Variants in RGS7 observed in about 807,000 individuals in gnomAD.
RGS7 encodes the protein regulator of G protein signaling 7.
In RGS7, 27 loss-of-function variants were observed where a neutral mutation model predicts 81.1. The observed-to-expected ratio is 0.33, with a 90% CI of 0.25 to 0.46. The LOEUF is 0.46. Among genes scored for constraint, RGS7 ranks in the 20% least tolerant of loss-of-function variants. The pLI is 1.00. For synonymous variants in RGS7, 208 were observed against 207.7 expected, an observed-to-expected ratio of 1.00 and a Z score of -0.01; for missense variants, 396 against 607.4, an observed-to-expected ratio of 0.65 and a Z score of 3.66.
intron 2 of RGS7, among the ~76,000 whole-genome samples, chr1:241,289,981 C>T (rs2148443450): frequency 6.6e-6 from 1 of 152,324 alleles, no homozygotes; most frequent in Non-Finnish European, 1.5e-5. Flanking sequence ...CTGTTGCAAA[C>T]TTTCTTATTG....
Position 241,144,102 on chromosome 1 carries a change from T to A in RGS7, c.79-45340A>T, listed in dbSNP as rs533646977. Among the ~76,000 whole-genome samples, 1 of 152,274 alleles carries A rather than the reference T, an allele frequency of 6.6e-6. No homozygotes were observed. Among genetic ancestry groups the A allele is most frequent in the South Asian group, 2.1e-4 (1 of 4,810 alleles). On this transcript the variant is annotated intron_variant, in intron 2 of 18. Coordinates refer to ENST00000440928, the MANE Select transcript of RGS7 (RefSeq NM_001364886.1). This position sits in a 1 kb window ranked among gnomAD's most constrained non-coding sequence, Gnocchi z 4.7. ...GGACTAAGGCAGTAATGTAAAGATTTTACTAGCTTTTATAGTAAAAATCTA... is the reference window on the plus strand; with the variant it reads ...GGACTAAGGCAGTAATGTAAAGATTATACTAGCTTTTATAGTAAAAATCTA...
chr1:241,294,943 C>T (rs766350934), intron 2 of RGS7, among the ~76,000 whole-genome samples: 6 of 152,126 alleles, frequency 3.9e-5, no homozygotes, highest in African/African-American at 1.2e-4. Flanking sequence ...AGAGAAATCA[C>T]CTATAGGTGC....
At chr1:241,012,206 G>A (rs2058992598) in intron 3 of RGS7, among the ~76,000 whole-genome samples, 1 of 152,138 alleles carries the variant, frequency 6.6e-6, no homozygotes, top group African/African-American at 2.4e-5. Flanking sequence ...AAGAGTGAAT[G>A]CAAATAGGGC....
rs1267231542 is a variant in RGS7, at chr1:241,304,461, A to G, written c.78+51238T>C. On this transcript the variant is annotated intron_variant, in intron 2 of 18. Coordinates refer to ENST00000440928, the MANE Select transcript of RGS7 (RefSeq NM_001364886.1). ...AGTTGTGAGTGTACTGGAGTTATAG[A>G]TTTTTCCACTTGCAAGTGGCTCAGT... Among the ~76,000 whole-genome samples the G allele has an allele frequency of 2.0e-5, 3 of 152,082 alleles. No individual in the cohort carries two copies. In the East Asian group the frequency reaches 5.8e-4, roughly 29 times the overall value.
chr1:241,207,960 C>G (rs149431907), intron 2 of RGS7, among the ~76,000 whole-genome samples: 16 of 152,232 alleles, frequency 1.1e-4, no homozygotes, highest in African/African-American at 3.6e-4. Flanking sequence ...GGCTGGAGTG[C>G]AATGGTACGA....
intron 3 of RGS7, among the ~76,000 whole-genome samples, chr1:241,014,613 AACT>A (rs1348198865): frequency 6.6e-6 from 1 of 152,208 alleles, no homozygotes; most frequent in Non-Finnish European, 1.5e-5. Flanking sequence ...TCAGTCATGT[AACT>A]AACCAGTCAT....
intron 2 of RGS7, among the ~76,000 whole-genome samples, chr1:241,315,003 T>C (rs567591212): frequency 2.6e-5 from 4 of 151,990 alleles, no homozygotes; most frequent in South Asian, 2.1e-4. Flanking sequence ...GGGGAACTTA[T>C]TGATGTTGAA....
intron 6 of RGS7, among the ~76,000 whole-genome samples, chr1:240,877,245 T>TA (rs1665579057): frequency 1.3e-5 from 2 of 150,476 alleles, no homozygotes; most frequent in Non-Finnish European, 1.5e-5. Context: ...ATATATAAAG[T>TA]AAAAAATATA....
At chr1:240,910,431 C>G (rs930779971) in intron 6 of RGS7, among the ~76,000 whole-genome samples, 26 of 152,128 alleles carry the variant, frequency 1.7e-4, no homozygotes, top group African/African-American at 6.0e-4. Context: ...AAACTAGAGG[C>G]TGGGATAGGC....
At chr1:240,816,486 ACT>A (rs1690820147) in intron 10 of RGS7, 71 bp from the exon 11 acceptor site, 2 of 1,031,034 alleles carry the variant, frequency 1.9e-6, no homozygotes, top group Admixed American at 1.7e-5. Flanking sequence ...CTAAAAAGTA[ACT>A]CTAGCATAAA....
chr1:241,180,338 G>A (rs186556344), intron 2 of RGS7, among the ~76,000 whole-genome samples: 3 of 152,142 alleles, frequency 2.0e-5, no homozygotes, highest in Admixed American at 2.0e-4. Context: ...TGGCGCCACT[G>A]CACTCCAGCC....
chr1:240,862,496 G>T (rs1031354903), intron 9 of RGS7, among the ~76,000 whole-genome samples: 1 of 152,058 alleles, frequency 6.6e-6, no homozygotes, highest in African/African-American at 2.4e-5. Context: ...GTATTCAAAA[G>T]GCAAGGTAGC....
chr1:241,327,126 GAAAGAAAGAAAGAAAGAAAGGAAA>G lies in RGS7; in HGVS notation c.78+28549_78+28572del, dbSNP rs1391502223. ...AGAAAGAAAGAAAGAAAGAAAGAAA[GAAAGAAAGAAAGAAAGAAAGGAAA>G]GAAAGAAAGAAAGAAACACACAGAC... On this transcript the variant is annotated intron_variant, in intron 2 of 18. Transcript: ENST00000440928. Among the ~76,000 whole-genome samples, 104 of 106,110 alleles carry G rather than the reference GAAAGAAAGAAAGAAAGAAAGGAAA, an allele frequency of 9.8e-4. 4 individuals are homozygous for G. Among genetic ancestry groups the G allele is most frequent in the South Asian group, 6.1e-3 (20 of 3,256 alleles). The allele number at this position is 106,110 out of a possible 152,430, so 69.6% of individuals were successfully genotyped here. A position where few individuals can be genotyped will look rare whatever the true frequency, so the allele number is the denominator to read the frequency against.
At chr1:241,261,023 G>A (rs1394822329) in intron 2 of RGS7, among the ~76,000 whole-genome samples, 1 of 151,714 alleles carries the variant, frequency 6.6e-6, no homozygotes, top group Non-Finnish European at 1.5e-5. Context: ...GTATACGTAT[G>A]TAACTAACCT....
intron 2 of RGS7, among the ~76,000 whole-genome samples, chr1:241,230,009 C>A (rs1162233766): frequency 1.3e-5 from 2 of 152,002 alleles, no homozygotes; most frequent in Non-Finnish European, 1.5e-5. Flanking sequence ...CTTCTGGCTA[C>A]AAGAGGAGGA....
rs139491478 is a variant in RGS7 at position 241,239,748 on chromosome 1, C to T, written c.78+115951G>A. 1.4e-3 allele frequency among the ~76,000 whole-genome samples: 207 copies of T among 152,306 alleles called. 1 individual carries two copies. Among genetic ancestry groups the T allele is most frequent in the African/African-American group, 4.5e-3 (189 of 41,560 alleles). On this transcript the variant is annotated intron_variant, in intron 2 of 18. Coordinates refer to ENST00000440928, the MANE Select transcript of RGS7 (RefSeq NM_001364886.1). ...CATGTCAGAAATGCAAATGATCAGG[C>T]TTCATCTCAGATCTCCTGAGTCAGA...
chr1:241,240,741 TTAAAC>T (rs1430882242), intron 2 of RGS7, among the ~76,000 whole-genome samples: 1 of 152,194 alleles, frequency 6.6e-6, no homozygotes, highest in Non-Finnish European at 1.5e-5. Flanking sequence ...CATGGAGCAA[TTAAAC>T]TACAGTGTTT....
At chr1:241,157,300 G>A (rs1259850903) in intron 2 of RGS7, among the ~76,000 whole-genome samples, 1 of 152,100 alleles carries the variant, frequency 6.6e-6, no homozygotes, top group African/African-American at 2.4e-5. Flanking sequence ...GCTGGCCATT[G>A]TCAGCTCCTG....
rs140030782 is a variant in RGS7 at position 241,160,457 on chromosome 1, A to T, written c.79-61695T>A. On this transcript the variant is annotated intron_variant, in intron 2 of 18. Transcript: ENST00000440928. Reference sequence around the variant, plus strand: ...AAACATGTAGCAATCAAGAAACTGGACTCATCCCCTGAACGGTGTGTGGAA... The same window carrying T: ...AAACATGTAGCAATCAAGAAACTGGTCTCATCCCCTGAACGGTGTGTGGAA... 8.0e-5 allele frequency among the ~76,000 whole-genome samples: 12 copies of T among 149,206 alleles called. No individual in the cohort carries two copies. In the East Asian group the frequency reaches 1.8e-3, roughly 22 times the overall value.
Sources: gnomAD v4.1 joint callset for allele counts (sites outside exome capture counted in the v4.1 genomes callset) on GRCh38, gnomAD v4.1.1 for gene constraint, Gnocchi (gnomAD v3.1) non-coding constraint, MANE v1.5 for transcripts, NCBI Gene and HGNC (gene_info 2026-07-23, HGNC 2026-07-21) for gene names.